CYP7B1: variants seen among roughly 807,000 people sequenced by gnomAD.
CYP7B1 encodes cytochrome P450 family 7 subfamily B member 1, also known as cytochrome P450 7B1.
In CYP7B1, 29 loss-of-function variants were observed where a neutral mutation model predicts 42.7. The ratio of observed to expected loss-of-function variants is 0.68; its 90% CI spans 0.51 to 0.93. The LOEUF (loss-of-function observed/expected upper bound fraction) is 0.93, where lower values mean the gene tolerates loss of function less well. Among genes scored for constraint, CYP7B1 ranks in the 40% least tolerant of loss-of-function variants. The pLI is 0.00. For missense variants in CYP7B1, 655 were observed against 600.5 expected (o/e 1.09, Z -0.95); for synonymous variants, 235 against 218.2 (o/e 1.08, Z -0.68).
At chr8:64,701,480 G>C (rs749374325) in intron 1 of CYP7B1, among the ~76,000 whole-genome samples, 1 of 152,018 alleles carries the variant, frequency 6.6e-6, no homozygotes, top group Non-Finnish European at 1.5e-5. Context: ...GTAAACTTTT[G>C]CACTGACAGA....
chr8:64,677,511 T>C, intron 1 of CYP7B1, among the ~76,000 whole-genome samples: 1 of 148,628 alleles, frequency 6.7e-6, no homozygotes, highest in Non-Finnish European at 1.5e-5. Flanking sequence ...AAATGACAAT[T>C]ACATACAAGT....
chr8:64,609,845 A>G (rs1805337678), intron 4 of CYP7B1, among the ~76,000 whole-genome samples: 1 of 152,204 alleles, frequency 6.6e-6, no homozygotes, highest in African/African-American at 2.4e-5. Flanking sequence ...GTCTAATGGA[A>G]TCAGAACCAC....
intron 1 of CYP7B1, among the ~76,000 whole-genome samples, chr8:64,771,064 T>TTTTTTTTTTTTTTTTTTTTTG (rs1348432654): frequency 8.3e-6 from 1 of 119,822 alleles, no homozygotes; most frequent in Admixed American, 8.5e-5. Flanking sequence ...TTTTTTTTTT[T>TTTTTTTTTTTTTTTTTTTTTG]TTTTTTTTTT....
rs71260892 is a variant in CYP7B1 at position 64,624,951 on chromosome 8, C to CTTTTTTTTTTTTTT, written c.123-426_123-413dup. On this transcript the variant is annotated intron_variant, in intron 1 of 5. Coordinates refer to ENST00000310193, the MANE Select transcript of CYP7B1 (RefSeq NM_004820.5). ...AGTCCCCAAAGTCCATTATATCATTCTTTTTTTTTTTTTTTTTTTTTTTTT... is the reference window on the plus strand; with the variant it reads ...AGTCCCCAAAGTCCATTATATCATTCTTTTTTTTTTTTTTTTTTTTTTTTTTTTTTTTTTTTTTT... Among the ~76,000 whole-genome samples the CTTTTTTTTTTTTTT allele has an allele frequency of 4.4e-4, 24 of 54,062 alleles. 8 individuals are homozygous for CTTTTTTTTTTTTTT. The highest frequency in any genetic ancestry group is 1.8e-3 in the African/African-American group (17 of 9,660). 35.5% of individuals were successfully genotyped at this position (54,062 alleles called of 152,430 possible).
intron 1 of CYP7B1, among the ~76,000 whole-genome samples, chr8:64,717,857 G>GC (rs34332384): frequency 2.8e-5 from 4 of 140,846 alleles, no homozygotes; most frequent in Admixed American, 1.4e-4. Context: ...CAAAAAATAA[G>GC]TTTTTTTTTT....
chr8:64,783,430 A>G lies in CYP7B1; in HGVS notation c.122+15036T>C, dbSNP rs148017974. On this transcript the variant is annotated intron_variant, in intron 1 of 5. Transcript: ENST00000310193. ...TAAATTTTTACTTTGACTAAAACTT[A>G]TCTTAACAGCATTTTAATCTTATTT... Among the ~76,000 whole-genome samples, 124 of 152,280 alleles carry G rather than the reference A, an allele frequency of 8.1e-4. 2 individuals carry two copies. The East Asian group carries it at 0.022, about 27-fold the overall frequency.
intron 1 of CYP7B1, among the ~76,000 whole-genome samples, chr8:64,789,367 T>C (rs772815480): frequency 6.6e-5 from 10 of 152,198 alleles, no homozygotes; most frequent in Non-Finnish European, 1.3e-4. Context: ...CATGAGAAAT[T>C]TTGAGAATAT....
intron 1 of CYP7B1, chr8:64,704,151 T>C (rs563234741): frequency 6.6e-6 from 1 of 152,182 alleles, no homozygotes; most frequent in African/African-American, 2.4e-5. Flanking sequence ...AGATAATCCA[T>C]GGCAGGAAGA....
chr8:64,682,761 T>G (rs1585852445), intron 1 of CYP7B1, among the ~76,000 whole-genome samples: 1 of 152,314 alleles, frequency 6.6e-6, no homozygotes, highest in African/African-American at 2.4e-5. Context: ...TGGAGACACG[T>G]CAGCTCGTAT....
chr8:64,694,520 A>C (rs1806795342), intron 1 of CYP7B1, among the ~76,000 whole-genome samples: 1 of 152,144 alleles, frequency 6.6e-6, no homozygotes, highest in Admixed American at 6.5e-5. Context: ...GGCCAGTGCA[A>C]GTCAGAATGC....
At chr8:64,758,908 T>C (rs1350917572) in intron 1 of CYP7B1, among the ~76,000 whole-genome samples, 2 of 152,164 alleles carry the variant, frequency 1.3e-5, no homozygotes, top group Admixed American at 1.3e-4. Context: ...GCCAAATCCT[T>C]AGTCCCTGCT....
intron 1 of CYP7B1, among the ~76,000 whole-genome samples, chr8:64,634,937 G>A (rs1316722870): frequency 6.6e-6 from 1 of 152,176 alleles, no homozygotes; most frequent in Admixed American, 6.5e-5. Context: ...GGCAGAATCG[G>A]TTCCTTTGAC....
chr8:64,651,300 T>A (rs1018048851), intron 1 of CYP7B1, among the ~76,000 whole-genome samples: 1 of 152,204 alleles, frequency 6.6e-6, no homozygotes, highest in African/African-American at 2.4e-5. Context: ...TCCATACTAG[T>A]CTGCAGCTCT....
rs116261602 is a variant in CYP7B1, at chr8:64,752,290, G to A, written c.122+46176C>T. Among the ~76,000 whole-genome samples, 472 of 152,024 alleles carry A rather than the reference G, an allele frequency of 3.1e-3. 5 individuals are homozygous for A. The highest frequency in any genetic ancestry group is 0.011 in the African/African-American group (454 of 41,452). On this transcript the variant is annotated intron_variant, in intron 1 of 5. Coordinates refer to ENST00000310193, the MANE Select transcript of CYP7B1 (RefSeq NM_004820.5). Reference sequence around the variant, plus strand: ...GAAATTATGTAAAAAACTATATAAAGAAGTTTACTTACAAACAGGTCTACA... The same window carrying A: ...GAAATTATGTAAAAAACTATATAAAAAAGTTTACTTACAAACAGGTCTACA...
chr8:64,709,114 C>T (rs1266839148), intron 1 of CYP7B1, among the ~76,000 whole-genome samples: 1 of 152,194 alleles, frequency 6.6e-6, no homozygotes, highest in African/African-American at 2.4e-5. Context: ...ATCAGCTCTG[C>T]ACCAGAGGCA....
chr8:64,764,990 A>C (rs1366218278), intron 1 of CYP7B1, among the ~76,000 whole-genome samples: 6 of 152,040 alleles, frequency 3.9e-5, no homozygotes, highest in East Asian at 1.9e-4. Context: ...AAAAAAAAAA[A>C]ACACAATGGA....
intron 1 of CYP7B1, among the ~76,000 whole-genome samples, chr8:64,678,593 A>C (rs1248035713): frequency 6.6e-6 from 1 of 152,182 alleles, no homozygotes; most frequent in Non-Finnish European, 1.5e-5. Flanking sequence ...AAAGCAAAAC[A>C]GAGTCTACAA....
At chr8:64,639,883 G>A (rs904654922) in intron 1 of CYP7B1, among the ~76,000 whole-genome samples, 6 of 151,058 alleles carry the variant, frequency 4.0e-5, no homozygotes, top group African/African-American at 1.5e-4. Context: ...TTAGTGAATG[G>A]GTAAACAAAA....
chr8:64,608,132 T>C (rs1805310655), intron 4 of CYP7B1, among the ~76,000 whole-genome samples: 1 of 152,218 alleles, frequency 6.6e-6, no homozygotes. Context: ...TGATTAAGTA[T>C]CCCTTCTAAG....
Sources: gnomAD v4.1 joint callset for allele counts (sites outside exome capture counted in the v4.1 genomes callset) on GRCh38, gnomAD v4.1.1 for gene constraint, MANE v1.5 for transcripts, NCBI Gene and HGNC (gene_info 2026-07-23, HGNC 2026-07-21) for gene names.